PRKG1: variants seen among roughly 807,000 people sequenced by gnomAD.
PRKG1 encodes protein kinase cGMP-dependent 1, also known as cGMP-dependent protein kinase 1.
PRKG1 carries 35 observed loss-of-function variants against 88.1 expected under a neutral mutation model. The observed-to-expected ratio is 0.40, with a 90% CI of 0.30 to 0.53. The LOEUF is 0.53. Among genes scored for constraint, PRKG1 ranks in the 20% least tolerant of loss-of-function variants. PRKG1 has a pLI of 0.59. For missense variants in PRKG1, 540 were observed against 839.8 expected, an observed-to-expected ratio of 0.64 and a Z score of 4.41; for synonymous variants, 303 against 292.5, an observed-to-expected ratio of 1.04 and a Z score of -0.37.
intron 2 of PRKG1, among the ~76,000 whole-genome samples, chr10:51,210,103 A>T (rs1838172568): frequency 6.6e-6 from 1 of 152,224 alleles, no homozygotes; most frequent in African/African-American, 2.4e-5. Context: ...AACAGAAATT[A>T]TAACAAACTG....
At chr10:51,748,716 A>T (rs1837642273) in intron 3 of PRKG1, among the ~76,000 whole-genome samples, 1 of 152,238 alleles carries the variant, frequency 6.6e-6, no homozygotes, top group Non-Finnish European at 1.5e-5. Context: ...CACAAACTTT[A>T]TTTCATGCTA....
intron 8 of PRKG1, among the ~76,000 whole-genome samples, chr10:52,152,608 C>T (rs1360441870): frequency 6.6e-6 from 1 of 152,058 alleles, no homozygotes; most frequent in Non-Finnish European, 1.5e-5. Context: ...GTGAAGTATT[C>T]TATGGTCAAA....
chr10:51,215,348 A>T (rs1838344154), intron 2 of PRKG1, among the ~76,000 whole-genome samples: 1 of 152,256 alleles, frequency 6.6e-6, no homozygotes, highest in Non-Finnish European at 1.5e-5. Flanking sequence ...AAGTGATTAC[A>T]ACTACCACTT....
At chr10:51,576,744 C>G (rs192217691) in intron 3 of PRKG1, among the ~76,000 whole-genome samples, 1 of 151,686 alleles carries the variant, frequency 6.6e-6, no homozygotes, top group Non-Finnish European at 1.5e-5. Flanking sequence ...TATTTTTAAA[C>G]TTTGCTAACT....
At chr10:52,133,941 CA>C (rs1837334708) in intron 8 of PRKG1, 36 bp downstream of exon 8, 1 of 1,519,184 alleles carries the variant, frequency 6.6e-7, no homozygotes, top group Non-Finnish European at 9.1e-7. Context: ...ATTACACACT[CA>C]TATCAGCAAC....
intron 2 of PRKG1, among the ~76,000 whole-genome samples, chr10:51,380,419 AT>A (rs1258729878): frequency 6.6e-6 from 1 of 152,096 alleles, no homozygotes; most frequent in Non-Finnish European, 1.5e-5. Flanking sequence ...GAAAAAAGAG[AT>A]TTTTTTGTTT....
intron 2 of PRKG1, among the ~76,000 whole-genome samples, chr10:51,412,215 AAGAAAGAGAG>A (rs1281333226): frequency 8.3e-6 from 1 of 120,196 alleles, no homozygotes; most frequent in Non-Finnish European, 1.7e-5. Flanking sequence ...GAGAGAGAGA[AAGAAAGAGAG>A]AAAGAATTGT....
intron 3 of PRKG1, among the ~76,000 whole-genome samples, chr10:51,581,034 C>T (rs1392497661): frequency 4.6e-5 from 7 of 151,946 alleles, no homozygotes; most frequent in East Asian, 1.9e-4. Context: ...TCTGGTCCCA[C>T]GATGCCTCCA....
At position 52,271,353 on chromosome 10, in the gene PRKG1, C is replaced by T; in HGVS notation, c.1177C>T (p.Gln393Ter). ...CTCTCTTCTCTCTTTCTTTAAGGTC[C>T]AGTTGAAAAGTGAAGAATCCAAAAC... ...VGGFGRVELV[Q>*]LKSEESKTFA... The change falls in exon 11 of 18, where the codon CAG (glutamine) becomes TAG (stop). Residue 393 changes from glutamine (Q) to a stop codon, truncating the protein, a stop_gained. Transcript: ENST00000373980. LOFTEE classifies it high-confidence loss of function. 6.2e-7 allele frequency: 1 copy of T among 1,611,616 alleles called. No homozygotes were observed. The highest frequency in any genetic ancestry group is 8.5e-7 in the Non-Finnish European group (1 of 1,178,452).
intron 5 of PRKG1, among the ~76,000 whole-genome samples, chr10:52,000,934 AC>A (rs1236168899): frequency 6.6e-6 from 1 of 152,022 alleles, no homozygotes; most frequent in Non-Finnish European, 1.5e-5. Flanking sequence ...AATTTGAGCA[AC>A]TCAAAAAAAT....
At chr10:51,622,739 A>G (rs1288604096) in intron 3 of PRKG1, among the ~76,000 whole-genome samples, 1 of 152,162 alleles carries the variant, frequency 6.6e-6, no homozygotes, top group East Asian at 1.9e-4. Flanking sequence ...TTATTGTCAA[A>G]GGGTGGAGGC....
intron 3 of PRKG1, among the ~76,000 whole-genome samples, chr10:51,718,435 T>G (rs777426942): frequency 6.6e-6 from 1 of 152,112 alleles, no homozygotes; most frequent in Non-Finnish European, 1.5e-5. Context: ...GATAGATGCA[T>G]CAAGCTAGGT....
At chr10:51,036,884 C>A (rs1273279588) in intron 1 of PRKG1, among the ~76,000 whole-genome samples, 1 of 152,150 alleles carries the variant, frequency 6.6e-6, no homozygotes, top group East Asian at 1.9e-4. Context: ...AGTTGCAATT[C>A]AACTATGGAC....
intron 2 of PRKG1, among the ~76,000 whole-genome samples, chr10:51,280,547 T>A (rs1031413402): frequency 1.3e-5 from 2 of 152,208 alleles, no homozygotes; most frequent in Admixed American, 6.5e-5. Flanking sequence ...AGTCCCATAT[T>A]TCTTGGAGGC....
chr10:52,284,738 G>T (rs371127762), intron 14 of PRKG1, among the ~76,000 whole-genome samples: 1 of 152,056 alleles, frequency 6.6e-6, no homozygotes, highest in African/African-American at 2.4e-5. Context: ...TTCATGCAGA[G>T]ACCTAATTAA....
chr10:51,906,898 G>A (rs1460967089), intron 4 of PRKG1, among the ~76,000 whole-genome samples: 6 of 152,152 alleles, frequency 3.9e-5, no homozygotes, highest in Admixed American at 2.0e-4. Context: ...TCTGTCATGT[G>A]ATTCTATACT....
intron 2 of PRKG1, among the ~76,000 whole-genome samples, chr10:51,317,876 C>T (rs1363186353): frequency 6.6e-6 from 1 of 150,618 alleles, no homozygotes; most frequent in African/African-American, 2.5e-5. Flanking sequence ...CTGATTTAGC[C>T]TCTCTAACCA....
intron 2 of PRKG1, among the ~76,000 whole-genome samples, chr10:51,349,661 C>A (rs1245748470): frequency 6.6e-6 from 1 of 151,940 alleles, no homozygotes; most frequent in Admixed American, 6.6e-5. Context: ...CATGCACCAC[C>A]ACGCCCAGCT....
chr10:51,401,608 G>T (rs1281990266), intron 2 of PRKG1, among the ~76,000 whole-genome samples: 2 of 152,046 alleles, frequency 1.3e-5, no homozygotes, highest in African/African-American at 4.8e-5. Context: ...TTGTTTGTTT[G>T]TTTTTACAGT....
Sources: gnomAD v4.1 joint callset for allele counts (sites outside exome capture counted in the v4.1 genomes callset) on GRCh38, gnomAD v4.1.1 for gene constraint, MANE v1.5 for transcripts, NCBI Gene and HGNC (gene_info 2026-07-23, HGNC 2026-07-21) for gene names.